The following CFAP206 variants were observed in gnomAD, a reference collection of about 807,000 sequenced individuals.
CFAP206 encodes cilia and flagella associated protein 206.
A neutral mutation model predicts 65.4 loss-of-function variants in CFAP206; 53 were observed. The ratio of observed to expected loss-of-function variants is 0.81; its 90% confidence interval spans 0.65 to 1.02. The LOEUF (loss-of-function observed/expected upper bound fraction) is 1.02, where lower values mean the gene tolerates loss of function less well. Among genes scored for constraint, CFAP206 ranks in the 50% least tolerant of loss-of-function variants. The probability of loss-of-function intolerance (pLI) is 0.00; values close to 1 mark genes in which losing one functional copy is unlikely to be tolerated. For synonymous variants in CFAP206, 250 were observed against 254.4 expected (o/e 0.98, Z 0.17); for missense variants, 663 against 753.2 (o/e 0.88, Z 1.40).
At chr6:87,409,458 C>T (rs1767688811) in intron 1 of CFAP206, among the ~76,000 whole-genome samples, 1 of 151,402 alleles carries the variant, frequency 6.6e-6, no homozygotes, top group Admixed American at 6.6e-5. Context: ...GGTGATCTGC[C>T]TGCCTTGGCC....
intron 7 of CFAP206, 21 bp downstream of exon 7, chr6:87,418,437 C>A: frequency 1.3e-6 from 2 of 1,595,394 alleles, no homozygotes; most frequent in South Asian, 2.2e-5. Context: ...TTCATAAGAC[C>A]TGACCTTTTC....
chr6:87,445,589 C>G (rs1356998745), intron 11 of CFAP206, among the ~76,000 whole-genome samples: 5 of 152,162 alleles, frequency 3.3e-5, no homozygotes. Flanking sequence ...ACCACATTTT[C>G]TTTATCCAGT....
chr6:87,459,210 C>T (rs1291602099), intron 11 of CFAP206, among the ~76,000 whole-genome samples: 1 of 151,986 alleles, frequency 6.6e-6, no homozygotes, highest in Admixed American at 6.6e-5. Context: ...AATAATTTTT[C>T]TGCAAATTAG....
At position 87,426,541 on chromosome 6, in the gene CFAP206, G is replaced by A. The variant is rs928254554; in HGVS notation, c.856G>A (p.Gly286Ser). 7.0e-6 allele frequency: 11 copies of A among 1,581,294 alleles called. No homozygotes were observed. The highest frequency in any genetic ancestry group is 1.8e-5 in the Admixed American group (1 of 56,654). ...LQIILSDIIT[G>S]AQEVEMMTKQ... is the part of the protein sequence containing the mutation. ...GTTTTCACAGTCAGATATAATTACT[G>A]GTGCTCAAGAAGTGGAAATGATGAC... Residue 286 changes from glycine (G) to serine (S), a missense_variant, in exon 8 of 13, where the codon GGT (glycine) becomes AGT (serine). Transcript: ENST00000369562.
chr6:87,456,817 A>T lies in CFAP206; in HGVS notation c.1495-4205A>T, dbSNP rs9450695. Among the ~76,000 whole-genome samples the T allele has an allele frequency of 1.4e-3, 207 of 152,292 alleles. 2 individuals are homozygous for T. The highest frequency in any genetic ancestry group is 4.2e-3 in the African/African-American group (176 of 41,556). Reference sequence around the variant, plus strand: ...GAATAAACTTAACCAAAGAAGTGAAAGATCTCTATGAAGATAACTATAAAA... The same window carrying T: ...GAATAAACTTAACCAAAGAAGTGAATGATCTCTATGAAGATAACTATAAAA... On this transcript the variant is annotated intron_variant, in intron 11 of 12. Transcript: ENST00000369562.
Position 87,416,818 on chromosome 6 carries a change from A to G in CFAP206, c.622A>G (p.Ile208Val), listed in dbSNP as rs1382225833. ...NRDCGKGGEG[I>V]DDLPAVLHVA... ...AGACTGTGGAAAAGGAGGAGAAGGC[A>G]TTGATGATTGTAGGTATATCATTAG... Residue 208 changes from isoleucine (I) to valine (V), a missense_variant, in exon 6 of 13, where the codon ATT becomes GTT. By Grantham distance (29) the Ile-to-Val change is conservative (BLOSUM62 3). Transcript: ENST00000369562. The G allele has an allele frequency of 6.2e-7, 1 of 1,613,362 alleles. No individual in the cohort carries two copies. The highest frequency in any genetic ancestry group is 1.7e-5 in the Admixed American group (1 of 59,984).
chr6:87,422,641 C>T (rs925899338), intron 7 of CFAP206, among the ~76,000 whole-genome samples: 6 of 151,276 alleles, frequency 4.0e-5, no homozygotes, highest in Non-Finnish European at 7.4e-5. Flanking sequence ...ATCCCAGCTA[C>T]TTGGGAGGCT....
intron 9 of CFAP206, among the ~76,000 whole-genome samples, chr6:87,429,830 A>G (rs537065014): frequency 2.4e-4 from 36 of 152,350 alleles, no homozygotes; most frequent in African/African-American, 7.7e-4. Context: ...TTCCCAAACT[A>G]TTAGAATTCA....
At chr6:87,422,609 G>A (rs1329066534) in intron 7 of CFAP206, among the ~76,000 whole-genome samples, 5 of 151,870 alleles carry the variant, frequency 3.3e-5, no homozygotes, top group South Asian at 2.1e-4. Context: ...AAATTAGCCC[G>A]GTGCAGTGGC....
intron 3 of CFAP206, among the ~76,000 whole-genome samples, chr6:87,410,970 C>T (rs1339731482): frequency 1.3e-5 from 2 of 152,186 alleles, no homozygotes; most frequent in Non-Finnish European, 2.9e-5. Flanking sequence ...GGTCTATCAC[C>T]TTCTATCCAG....
At chr6:87,450,848 C>T (rs1169574652) in intron 11 of CFAP206, among the ~76,000 whole-genome samples, 3 of 152,210 alleles carry the variant, frequency 2.0e-5, no homozygotes, top group South Asian at 2.1e-4. Context: ...GCCCCAGTAG[C>T]GGCCACGTGA....
In CFAP206 at chr6:87,461,167, T is replaced by G. The variant is rs1273794878; in HGVS notation, c.1638+2T>G. 2.6e-6 allele frequency: 4 copies of G among 1,544,448 alleles called. No individual in the cohort carries two copies. The African/African-American group carries it at 5.7e-5, about 22-fold the overall frequency. On this transcript the variant is annotated splice_donor_variant, in intron 12 of 12. Coordinates refer to ENST00000369562, the MANE Select transcript of CFAP206 (RefSeq NM_001031743.3). LOFTEE classifies it high-confidence loss of function. ...TTAAGAAGAAAAGCTATAAAATTGGTTTGTAACAATACTTTCTAGAATTAT... is the reference window on the plus strand; with the variant it reads ...TTAAGAAGAAAAGCTATAAAATTGGGTTGTAACAATACTTTCTAGAATTAT...
At chr6:87,421,626 C>A (rs1283685870) in intron 7 of CFAP206, among the ~76,000 whole-genome samples, 1 of 152,178 alleles carries the variant, frequency 6.6e-6, no homozygotes, top group African/African-American at 2.4e-5. Context: ...TTTGTTGACT[C>A]TTAACTGAGA....
chr6:87,421,738 A>G (rs2127949496), intron 7 of CFAP206, among the ~76,000 whole-genome samples: 1 of 152,336 alleles, frequency 6.6e-6, no homozygotes. Context: ...TTGACAGCAC[A>G]TTTGTTAAAA....
In CFAP206 at chr6:87,418,324, G is replaced by C. The variant is rs267601154; in HGVS notation, c.748G>C (p.Asp250His). 62 of 1,613,966 alleles carry C rather than the reference G, an allele frequency of 3.8e-5. No individual in the cohort carries two copies. ...AGCCATCCTTGAGAAGGCAGCCAAC[G>C]ACCCACTCATGAGGGCTGAACTTCA... Reference protein sequence around the residue: ...YTAILEKAANDPLMRAELQPY... With the variant: ...YTAILEKAANHPLMRAELQPY... The change falls in exon 7 of 13, where the codon GAC (aspartate) becomes CAC (histidine). Residue 250 changes from aspartate (D) to histidine (H), a missense_variant. Asp to His is a moderately conservative substitution (Grantham distance 81). Coordinates refer to ENST00000369562, the MANE Select transcript of CFAP206 (RefSeq NM_001031743.3).
At chr6:87,450,416 C>A (rs1768519465) in intron 11 of CFAP206, among the ~76,000 whole-genome samples, 2 of 150,012 alleles carry the variant, frequency 1.3e-5, no homozygotes, top group Admixed American at 1.3e-4. Context: ...TATGATGTGA[C>A]TTTTTAATGT....
intron 7 of CFAP206, among the ~76,000 whole-genome samples, chr6:87,422,645 G>A (rs1403340536): frequency 6.6e-6 from 1 of 150,894 alleles, no homozygotes; most frequent in Non-Finnish European, 1.5e-5. Context: ...CAGCTACTTG[G>A]GAGGCTGAGG....
intron 11 of CFAP206, among the ~76,000 whole-genome samples, chr6:87,453,941 G>A (rs764524968): frequency 3.3e-5 from 5 of 152,056 alleles, no homozygotes; most frequent in Non-Finnish European, 2.9e-5. Flanking sequence ...AAAAGACAGA[G>A]TAGCTGAATG....
intron 11 of CFAP206, among the ~76,000 whole-genome samples, chr6:87,446,141 A>G (rs896136946): frequency 6.6e-6 from 1 of 152,114 alleles, no homozygotes; most frequent in Non-Finnish European, 1.5e-5. Context: ...ATTTTCTCCC[A>G]TTCTGTAGGC....
Sources: allele counts gnomAD v4.1 joint callset (sites outside exome capture counted in the v4.1 genomes callset), GRCh38; gene constraint gnomAD v4.1.1; transcripts MANE v1.5; gene names NCBI Gene and HGNC (gene_info 2026-07-23, HGNC 2026-07-21).